DNER: variants seen among roughly 807,000 people sequenced by gnomAD.
DNER encodes delta and Notch-like epidermal growth factor-related receptor.
A neutral mutation model predicts 78.2 loss-of-function variants in DNER; 33 were observed. That is an observed-to-expected ratio of 0.42 (90% CI 0.32 to 0.56). The LOEUF (loss-of-function observed/expected upper bound fraction) is 0.56, where lower values mean the gene tolerates loss of function less well. Ranked by LOEUF, DNER falls within the 20% of genes least tolerant of loss-of-function variation. DNER has a pLI of 0.11. For synonymous variants in DNER, 417 were observed against 384.8 expected, an observed-to-expected ratio of 1.08 and a Z score of -0.98; for missense variants, 918 against 975.3, an observed-to-expected ratio of 0.94 and a Z score of 0.78.
At chr2:229,680,436 C>G (rs538837640) in intron 1 of DNER, among the ~76,000 whole-genome samples, 1 of 152,186 alleles carries the variant, frequency 6.6e-6, no homozygotes, top group African/African-American at 2.4e-5. Flanking sequence ...CTGGAAGTAC[C>G]TGGTAATTAA....
chr2:229,644,559 C>A (rs907377913), intron 1 of DNER, among the ~76,000 whole-genome samples: 9 of 152,070 alleles, frequency 5.9e-5, no homozygotes, highest in African/African-American at 2.2e-4. Context: ...GTTGGCCAAG[C>A]TGGTCTCTAC....
intron 5 of DNER, among the ~76,000 whole-genome samples, chr2:229,524,073 A>C (rs1483355540): frequency 2.0e-5 from 3 of 152,248 alleles, no homozygotes. Context: ...TAACTGAGGC[A>C]CAGAGAGGGT....
intron 4 of DNER, among the ~76,000 whole-genome samples, chr2:229,570,786 T>G: frequency 6.6e-6 from 1 of 150,800 alleles, no homozygotes. Flanking sequence ...GCAAAGCAGG[T>G]GGGGGAGGGA....
At chr2:229,504,896 T>C (rs1319587232) in intron 6 of DNER, among the ~76,000 whole-genome samples, 1 of 152,202 alleles carries the variant, frequency 6.6e-6, no homozygotes, top group South Asian at 2.1e-4. Flanking sequence ...TCAGTGACTT[T>C]AGGGAATAAC....
intron 1 of DNER, among the ~76,000 whole-genome samples, chr2:229,688,279 C>T (rs1164553624): frequency 6.6e-6 from 1 of 152,214 alleles, no homozygotes; most frequent in African/African-American, 2.4e-5. Context: ...CTGCCTATCC[C>T]AGACTTCTCT....
At chr2:229,423,749 A>G (rs1358437671) in intron 8 of DNER, among the ~76,000 whole-genome samples, 1 of 152,210 alleles carries the variant, frequency 6.6e-6, no homozygotes, top group Non-Finnish European at 1.5e-5. Flanking sequence ...TGGAATTTAA[A>G]TCTCCAATAA....
intron 1 of DNER, among the ~76,000 whole-genome samples, chr2:229,704,916 G>A (rs952999208): frequency 6.6e-6 from 1 of 152,204 alleles, no homozygotes; most frequent in African/African-American, 2.4e-5. Context: ...TTCCCGTATT[G>A]CATTTTCCCT....
At chr2:229,403,420 C>T (rs1574827744) in intron 10 of DNER, among the ~76,000 whole-genome samples, 1 of 152,146 alleles carries the variant, frequency 6.6e-6, no homozygotes, top group African/African-American at 2.4e-5. Flanking sequence ...ACACAGACAT[C>T]CTTTATGAAT....
At chr2:229,640,056 T>C (rs1297641342) in intron 1 of DNER, among the ~76,000 whole-genome samples, 1 of 152,184 alleles carries the variant, frequency 6.6e-6, no homozygotes, top group Non-Finnish European at 1.5e-5. Context: ...TAGCCCCAAA[T>C]ACTGATTTCT....
chr2:229,419,452 G>T (rs1271557004), intron 8 of DNER, among the ~76,000 whole-genome samples: 1 of 152,170 alleles, frequency 6.6e-6, no homozygotes, highest in Admixed American at 6.5e-5. Flanking sequence ...GTAGGAATTA[G>T]AACTACTAGC....
chr2:229,460,630 G>A (rs944862507), intron 7 of DNER, among the ~76,000 whole-genome samples: 1 of 151,944 alleles, frequency 6.6e-6, no homozygotes, highest in African/African-American at 2.4e-5. Context: ...AAAAATTATA[G>A]CCATCAAATT....
intron 8 of DNER, among the ~76,000 whole-genome samples, chr2:229,439,014 T>C (rs1559351982): frequency 6.6e-6 from 1 of 152,204 alleles, no homozygotes; most frequent in East Asian, 1.9e-4. Flanking sequence ...TAACTGGCTG[T>C]ATTGTCATGG....
chr2:229,397,575 A>C (rs980624755), intron 10 of DNER, among the ~76,000 whole-genome samples: 3 of 152,086 alleles, frequency 2.0e-5, no homozygotes, highest in African/African-American at 7.2e-5. Context: ...AACAGAATGC[A>C]CAATCTTTTC....
chr2:229,665,254 G>C (rs1699069438), intron 1 of DNER, among the ~76,000 whole-genome samples: 1 of 152,074 alleles, frequency 6.6e-6, no homozygotes, highest in Non-Finnish European at 1.5e-5. Flanking sequence ...AACAAATCTT[G>C]CCAGATTGAA....
At chr2:229,449,016 C>G (rs1440023432) in intron 7 of DNER, among the ~76,000 whole-genome samples, 1 of 152,136 alleles carries the variant, frequency 6.6e-6, no homozygotes, top group Non-Finnish European at 1.5e-5. Context: ...GCATAATCAA[C>G]TTGGTATTTC....
At chr2:229,362,396 C>T (rs148762409) in intron 12 of DNER, among the ~76,000 whole-genome samples, 20 of 152,286 alleles carry the variant, frequency 1.3e-4, no homozygotes, top group East Asian at 9.6e-4. Flanking sequence ...ATGCATGTGA[C>T]GACCCCATAA....
chr2:229,661,811 C>T (rs76411994), intron 1 of DNER, among the ~76,000 whole-genome samples: 6,854 of 152,148 alleles, frequency 0.045, 333 homozygotes, highest in African/African-American at 0.1. Context: ...TCATAGTGAC[C>T]CCTTTGAAAA....
intron 3 of DNER, chr2:229,586,547 AAAACACACAAAACC>A: frequency 2.8e-5 from 3 of 106,252 alleles, no homozygotes; most frequent in Non-Finnish European, 4.4e-5. Context: ...AAAAAAAAAA[AAAACACACAAAACC>A]ACCCCACAGA....
At chr2:229,588,332 C>G (rs768204229) in intron 3 of DNER, 62 bp downstream of exon 3, 6 of 1,522,412 alleles carry the variant, frequency 3.9e-6, no homozygotes, top group African/African-American at 1.4e-5. Flanking sequence ...CGCGGATGGA[C>G]ACAACCCCAC....
Sources: gnomAD v4.1 joint callset for allele counts (sites outside exome capture counted in the v4.1 genomes callset) on GRCh38, gnomAD v4.1.1 for gene constraint, MANE v1.5 for transcripts, NCBI Gene and HGNC (gene_info 2026-07-23, HGNC 2026-07-21) for gene names.